LEPR: variants seen among roughly 807,000 people sequenced by gnomAD.
LEPR encodes OB receptor.
LEPR carries 56 observed loss-of-function variants against 114.7 expected under a neutral mutation model. That is an observed-to-expected ratio of 0.49 (90% CI 0.39 to 0.61). LEPR has a LOEUF of 0.61. LEPR is among the 20% of genes least tolerant of loss of function. The pLI, the probability that LEPR is intolerant of heterozygous loss-of-function variation, is 0.00. For synonymous variants in LEPR, 443 were observed against 461.4 expected (o/e 0.96, Z 0.51); for missense variants, 1,202 against 1,352.9 (o/e 0.89, Z 1.75).
intron 17 of LEPR, 138 bp downstream of exon 17, chr1:65,620,161 G>T: frequency 1.5e-6 from 1 of 684,416 alleles, no homozygotes; most frequent in South Asian, 1.9e-5. Context: ...TTCATGGTGA[G>T]GTTCCAAAGG....
At chr1:65,540,887 A>G (rs1393763132) in intron 2 of LEPR, among the ~76,000 whole-genome samples, 2 of 152,160 alleles carry the variant, frequency 1.3e-5, no homozygotes, top group Non-Finnish European at 2.9e-5. Flanking sequence ...GCTAGAGTAC[A>G]ATGGTGCAAT....
intron 15 of LEPR, among the ~76,000 whole-genome samples, chr1:65,617,061 A>G (rs753231907): frequency 1.2e-4 from 19 of 152,198 alleles, no homozygotes; most frequent in Non-Finnish European, 2.1e-4. Flanking sequence ...TTTATGCTTA[A>G]CATTTCCTAA....
At chr1:65,432,311 C>G (rs1367197735) in intron 2 of LEPR, 7 of 992,210 alleles carry the variant, frequency 7.1e-6, no homozygotes, top group Non-Finnish European at 7.2e-6. Flanking sequence ...GTGGATCCCT[C>G]TTTGTGTTGT....
At chr1:65,528,710 A>AC (rs1650150962) in intron 2 of LEPR, among the ~76,000 whole-genome samples, 1 of 152,032 alleles carries the variant, frequency 6.6e-6, no homozygotes, top group South Asian at 2.1e-4. Flanking sequence ...ATTATTCACC[A>AC]CCCCCAAAAA....
At chr1:65,490,014 C>T (rs1293906224) in intron 2 of LEPR, among the ~76,000 whole-genome samples, 1 of 152,070 alleles carries the variant, frequency 6.6e-6, no homozygotes, top group Non-Finnish European at 1.5e-5. Flanking sequence ...GGGTTTGAAC[C>T]CTGGCTCTGC....
chr1:65,491,993 G>C (rs1193260155), intron 2 of LEPR, among the ~76,000 whole-genome samples: 2 of 152,058 alleles, frequency 1.3e-5, no homozygotes. Flanking sequence ...TAAGAATACT[G>C]TTTCTACCCA....
intron 2 of LEPR, among the ~76,000 whole-genome samples, chr1:65,506,398 G>A (rs934713384): frequency 2.6e-5 from 4 of 152,280 alleles, no homozygotes; most frequent in Admixed American, 6.5e-5. Context: ...AAAAACACAC[G>A]TATTGCATTT....
chr1:65,478,585 C>G (rs1647183615), intron 2 of LEPR, among the ~76,000 whole-genome samples: 1 of 152,124 alleles, frequency 6.6e-6, no homozygotes. Flanking sequence ...GAGTTCAGTC[C>G]TGAAGTTTAA....
intron 2 of LEPR, among the ~76,000 whole-genome samples, chr1:65,548,002 G>A (rs558633585): frequency 2.6e-4 from 39 of 151,510 alleles, no homozygotes; most frequent in African/African-American, 9.0e-4. Context: ...ATTCTGGTAT[G>A]TTGTGTCTTT....
chr1:65,442,210 G>T (rs552116017), intron 2 of LEPR, among the ~76,000 whole-genome samples: 2 of 152,118 alleles, frequency 1.3e-5, no homozygotes, highest in Admixed American at 6.5e-5. Context: ...CAAAAGGTTG[G>T]TGCCTTATGA....
chr1:65,521,911 T>A (rs1040585734), intron 2 of LEPR, among the ~76,000 whole-genome samples: 8 of 151,984 alleles, frequency 5.3e-5, no homozygotes, highest in African/African-American at 1.9e-4. Flanking sequence ...ACCAGCCTGG[T>A]CAACATTGTG....
At chr1:65,435,797 A>G in intron 2 of LEPR, 2 of 979,880 alleles carry the variant, frequency 2.0e-6, no homozygotes, top group Non-Finnish European at 2.4e-6. Context: ...TCTGTAGTAG[A>G]TAAATATTAG....
intron 7 of LEPR, 151 bp downstream of exon 7, chr1:65,596,744 TATAG>T: frequency 4.5e-6 from 3 of 667,146 alleles, no homozygotes; most frequent in South Asian, 4.1e-5. Flanking sequence ...ATATATCATA[TATAG>T]ATAGATATAC....
intron 2 of LEPR, among the ~76,000 whole-genome samples, chr1:65,516,611 TA>T (rs2100567102): frequency 6.6e-6 from 1 of 152,368 alleles, no homozygotes; most frequent in African/African-American, 2.4e-5. Flanking sequence ...CATCTTTATG[TA>T]AAAGGTTTTC....
At chr1:65,435,898 T>A (rs1482426075) in intron 2 of LEPR, 1 of 984,734 alleles carries the variant, frequency 1.0e-6, no homozygotes, top group Non-Finnish European at 1.2e-6. Flanking sequence ...TCATAAATTA[T>A]AATCTTTCAA....
rs528717110 is a variant in LEPR at position 65,504,660 on chromosome 1, C to T, written c.-20-60886C>T. 5.3e-5 allele frequency among the ~76,000 whole-genome samples: 8 copies of T among 152,122 alleles called. No individual in the cohort carries two copies. The East Asian group carries it at 5.8e-4, about 11-fold the overall frequency. On this transcript the variant is annotated intron_variant, in intron 2 of 19. Transcript: ENST00000349533. ...GCCAAGAGCAGTCTACGGTGGCATGCGACTGCAAGTAATGCAGCACCCTGG... is the reference window on the plus strand; with the variant it reads ...GCCAAGAGCAGTCTACGGTGGCATGTGACTGCAAGTAATGCAGCACCCTGG...
chr1:65,520,847 A>G (rs568454081), intron 2 of LEPR, among the ~76,000 whole-genome samples: 7 of 152,372 alleles, frequency 4.6e-5, no homozygotes, highest in African/African-American at 1.7e-4. Context: ...TATCTGCAGC[A>G]TGAATATGTC....
chr1:65,448,240 A>G (rs1646737573), intron 2 of LEPR, among the ~76,000 whole-genome samples: 1 of 152,036 alleles, frequency 6.6e-6, no homozygotes, highest in Non-Finnish European at 1.5e-5. Context: ...TGTGTGTTGG[A>G]GTTTGTCAAA....
chr1:65,469,727 A>G (rs1314469912), intron 2 of LEPR, among the ~76,000 whole-genome samples: 1 of 152,210 alleles, frequency 6.6e-6, no homozygotes, highest in Admixed American at 6.5e-5. Context: ...ATTTGATTAT[A>G]CATACACTTT....
Sources: allele counts gnomAD v4.1 joint callset (sites outside exome capture counted in the v4.1 genomes callset), GRCh38; gene constraint gnomAD v4.1.1; transcripts MANE v1.5; gene names NCBI Gene and HGNC (gene_info 2026-07-23, HGNC 2026-07-21).